The following GPC5 variants were observed in gnomAD, a reference collection of about 807,000 sequenced individuals.
GPC5 encodes glypican-5.
In GPC5, 47 loss-of-function variants were observed where a neutral mutation model predicts 53.9. The ratio of observed to expected loss-of-function variants is 0.87; its 90% CI spans 0.69 to 1.11. The LOEUF is 1.11. Among genes scored for constraint, GPC5 ranks in the 50% most tolerant of loss-of-function variants. The pLI is 0.00. For missense variants in GPC5, 748 were observed against 713.1 expected, an observed-to-expected ratio of 1.05 and a Z score of -0.56; for synonymous variants, 286 against 263.3, an observed-to-expected ratio of 1.09 and a Z score of -0.84.
At chr13:91,992,051 T>G (rs148777528) in intron 6 of GPC5, among the ~76,000 whole-genome samples, 1 of 152,278 alleles carries the variant, frequency 6.6e-6, no homozygotes, top group East Asian at 1.9e-4. Flanking sequence ...TAATTTTTAT[T>G]TTTTGAGACA....
intron 7 of GPC5, among the ~76,000 whole-genome samples, chr13:92,382,919 C>G (rs994939740): frequency 6.8e-6 from 1 of 147,140 alleles, no homozygotes; most frequent in African/African-American, 2.5e-5. Context: ...AGGAGAATAG[C>G]GCGAACCCGG....
chr13:92,209,618 C>T (rs2042360503), intron 7 of GPC5, among the ~76,000 whole-genome samples: 1 of 152,108 alleles, frequency 6.6e-6, no homozygotes, highest in Non-Finnish European at 1.5e-5. Flanking sequence ...ATGCTCCCAA[C>T]AACCTTGTGA....
At chr13:91,424,521 C>T (rs1026069599) in intron 1 of GPC5, among the ~76,000 whole-genome samples, 12 of 151,886 alleles carry the variant, frequency 7.9e-5, no homozygotes, top group African/African-American at 2.2e-4. Context: ...TGTACCACCA[C>T]GCCCAGCTAA....
At chr13:92,445,388 A>C (rs910204593) in intron 7 of GPC5, among the ~76,000 whole-genome samples, 9 of 151,032 alleles carry the variant, frequency 6.0e-5, no homozygotes, top group South Asian at 2.1e-4. Context: ...ATATGTATAC[A>C]TGTGCCATGC....
intron 7 of GPC5, among the ~76,000 whole-genome samples, chr13:92,483,999 A>C (rs758049853): frequency 4.6e-5 from 7 of 152,162 alleles, no homozygotes; most frequent in Non-Finnish European, 8.8e-5. Context: ...CTGGCCAGGT[A>C]TAATGGCATG....
intron 1 of GPC5, among the ~76,000 whole-genome samples, chr13:91,418,459 C>T (rs1215167419): frequency 6.6e-6 from 1 of 152,034 alleles, no homozygotes; most frequent in Non-Finnish European, 1.5e-5. Context: ...GTGGAAACAG[C>T]GAATTCAGAC....
chr13:92,756,291 T>G (rs1874866711), intron 7 of GPC5, among the ~76,000 whole-genome samples: 3 of 152,102 alleles, frequency 2.0e-5, no homozygotes, highest in Non-Finnish European at 4.4e-5. Flanking sequence ...CCCTTCATGC[T>G]AAAAACTCTC....
chr13:91,804,971 G>A (rs1166954160), intron 5 of GPC5, among the ~76,000 whole-genome samples: 1 of 152,180 alleles, frequency 6.6e-6, no homozygotes, highest in African/African-American at 2.4e-5. Context: ...GAGTGAGAGC[G>A]CATTGCTGAG....
intron 7 of GPC5, among the ~76,000 whole-genome samples, chr13:92,332,288 A>G (rs1048627930): frequency 2.6e-5 from 4 of 152,192 alleles, no homozygotes; most frequent in African/African-American, 4.8e-5. Context: ...GGACTAGAAT[A>G]AACAAACTGA....
chr13:92,317,051 A>T (rs1331071731), intron 7 of GPC5, among the ~76,000 whole-genome samples: 2 of 152,190 alleles, frequency 1.3e-5, no homozygotes, highest in East Asian at 3.8e-4. Flanking sequence ...ACTACAAGCA[A>T]TTATATTCAT....
At chr13:91,785,029 T>C (rs1473756252) in intron 5 of GPC5, among the ~76,000 whole-genome samples, 1 of 152,208 alleles carries the variant, frequency 6.6e-6, no homozygotes, top group Non-Finnish European at 1.5e-5. Context: ...CCCCGTTGTT[T>C]GGTACAGTTC....
At chr13:91,700,299 A>T (rs1047020280) in intron 3 of GPC5, among the ~76,000 whole-genome samples, 2 of 152,224 alleles carry the variant, frequency 1.3e-5, no homozygotes, top group African/African-American at 4.8e-5. Context: ...TTTCTGTGTA[A>T]ACAGTTCATA....
intron 7 of GPC5, among the ~76,000 whole-genome samples, chr13:92,764,281 G>A (rs1234159164): frequency 6.6e-6 from 1 of 152,202 alleles, no homozygotes; most frequent in Non-Finnish European, 1.5e-5. Context: ...GGCAGAGGTA[G>A]TTCAGTGGTG....
intron 6 of GPC5, among the ~76,000 whole-genome samples, chr13:92,039,904 C>A (rs188817999): frequency 2.6e-4 from 40 of 152,274 alleles, no homozygotes; most frequent in Non-Finnish European, 4.6e-4. Context: ...ATTTTGAGGT[C>A]TTTGGGTTAG....
At chr13:92,155,811 T>C (rs1054494318) in intron 7 of GPC5, among the ~76,000 whole-genome samples, 2 of 152,166 alleles carry the variant, frequency 1.3e-5, no homozygotes, top group South Asian at 2.1e-4. Context: ...AGTTTATTTC[T>C]TTGTGTCTTG....
intron 5 of GPC5, among the ~76,000 whole-genome samples, chr13:91,804,605 G>A (rs1415674734): frequency 6.6e-6 from 1 of 152,198 alleles, no homozygotes; most frequent in Non-Finnish European, 1.5e-5. Context: ...GAGGGAGAGA[G>A]AGATGAATTA....
intron 6 of GPC5, among the ~76,000 whole-genome samples, chr13:92,063,216 T>A (rs1271644093): frequency 1.3e-5 from 2 of 152,260 alleles, no homozygotes; most frequent in East Asian, 3.9e-4. Context: ...TGGGTGAATA[T>A]CATGAAACCA....
intron 7 of GPC5, among the ~76,000 whole-genome samples, chr13:92,710,595 G>C (rs1373870700): frequency 6.6e-6 from 1 of 152,118 alleles, no homozygotes; most frequent in Admixed American, 6.5e-5. Context: ...AAGCAATTAG[G>C]GAAGGATCTT....
chr13:91,469,271 G>A (rs772399939), intron 2 of GPC5, among the ~76,000 whole-genome samples: 1 of 152,002 alleles, frequency 6.6e-6, no homozygotes, highest in Non-Finnish European at 1.5e-5. Flanking sequence ...ACCATGTCCA[G>A]CTCATTTTTG....
Sources: gnomAD v4.1 joint callset for allele counts (sites outside exome capture counted in the v4.1 genomes callset) on GRCh38, gnomAD v4.1.1 for gene constraint, MANE v1.5 for transcripts, NCBI Gene and HGNC (gene_info 2026-07-23, HGNC 2026-07-21) for gene names.